Variants in OXNAD1 observed in about 807,000 individuals in gnomAD.
OXNAD1 encodes oxidoreductase NAD binding domain containing 1, also known as oxidoreductase NAD-binding domain-containing protein 1.
Under a neutral mutation model 32.9 loss-of-function variants are expected in OXNAD1, and 34 were observed. The ratio of observed to expected loss-of-function variants is 1.03; its 90% CI spans 0.79 to 1.38. OXNAD1 has a LOEUF of 1.38. OXNAD1 is among the 40% of genes most tolerant of loss of function. OXNAD1 has a pLI of 0.00. For missense variants in OXNAD1, 407 were observed against 379.4 expected (o/e 1.07, Z -0.60); for synonymous variants, 134 against 135.2 (o/e 0.99, Z 0.06).
downstream of OXNAD1, among the ~76,000 whole-genome samples, chr3:16,341,726 TTAAA>T (rs1188340254): frequency 6.6e-6 from 1 of 152,190 alleles, no homozygotes; most frequent in Non-Finnish European, 1.5e-5. The surrounding 1 kb of genome is among the most constrained non-coding windows in gnomAD (Gnocchi z 4.7). Context: ...GGAAAACTAA[TTAAA>T]TAAATTAAAA....
chr3:16,316,487 C>A lies in OXNAD1; in HGVS notation c.*30+12895C>A, dbSNP rs1017022675. 3.0e-6 allele frequency: 1 copy of A among 333,614 alleles called. No individual in the cohort carries two copies. Among genetic ancestry groups the A allele is most frequent in the East Asian group, 8.8e-5 (1 of 11,308 alleles). The allele number at this position is 333,614 out of a possible 1,614,324, so 20.7% of individuals were successfully genotyped here. ...GTCCATGGATTTGACCCGAATGCTC[C>A]CTGGAGGCCCTGTGGCGAGGACAGG... On this transcript the variant is annotated intron_variant, in intron 9 of 9. Coordinates refer to the OXNAD1 transcript ENST00000435829. The surrounding 1 kb of genome is among the most constrained non-coding windows in gnomAD (Gnocchi z 4.5).
At chr3:16,268,983 A>G in intron 1 of OXNAD1, 143 bp from the exon 2 acceptor site, 1 of 548,854 alleles carries the variant, frequency 1.8e-6, no homozygotes, top group Non-Finnish European at 2.8e-6. Flanking sequence ...GAAAGAATGG[A>G]TGGAGAGGGG....
Position 16,345,726 on chromosome 3 carries a change from T to G in OXNAD1, c.*31-3450T>G, listed in dbSNP as rs1320577137. Among the ~76,000 whole-genome samples the G allele has an allele frequency of 1.3e-5, 2 of 151,782 alleles. No homozygotes were observed. Among genetic ancestry groups the G allele is most frequent in the Admixed American group, 6.6e-5 (1 of 15,248 alleles). On this transcript the variant is annotated intron_variant, in intron 9 of 9. Transcript: ENST00000606098. The surrounding 1 kb of genome is among the most constrained non-coding windows in gnomAD (Gnocchi z 5.2). ...CTTTCCTGGGTCTCCAGCTTGCAGA[T>G]AGCAGACTGTGGGACTCCTCAGCCT...
Position 16,346,696 on chromosome 3 carries a change from G to A in OXNAD1, c.*31-2480G>A, listed in dbSNP as rs570841199. On this transcript the variant is annotated intron_variant, in intron 9 of 9. Coordinates refer to the OXNAD1 transcript ENST00000606098. This position sits in a 1 kb window ranked among gnomAD's most constrained non-coding sequence, Gnocchi z 4.4. The stretch of plus-strand genomic sequence containing the variant: ...GAGGAAATCTCTGTTGTGGGTTTCT[G>A]GGAAAGCTTTTACTTGCTAATAAAA... 6.6e-6 allele frequency among the ~76,000 whole-genome samples: 1 copy of A among 152,258 alleles called. No homozygotes were observed. Among genetic ancestry groups the A allele is most frequent in the African/African-American group, 2.4e-5 (1 of 41,514 alleles).
At chr3:16,351,147 G>A (rs777157143), downstream of OXNAD1, among the ~76,000 whole-genome samples, 5 of 152,164 alleles carry the variant, frequency 3.3e-5, no homozygotes, top group Non-Finnish European at 7.3e-5. This position sits in a 1 kb window ranked among gnomAD's most constrained non-coding sequence, Gnocchi z 5.4. Context: ...AGCCTTTCAT[G>A]TAAATACAAT....
rs771798524 is a variant in OXNAD1 at position 16,303,531 on chromosome 3, A to G, written c.908A>G (p.Lys303Arg). 1 of 1,613,978 alleles carries G rather than the reference A, an allele frequency of 6.2e-7. No individual in the cohort carries two copies. Among genetic ancestry groups the G allele is most frequent in the Non-Finnish European group, 8.5e-7 (1 of 1,179,910 alleles). ...CAACTGGAAAACAACCATGTACCCAAAGAACACATTTGCTTTGAGAAGTGG... is the reference window on the plus strand; with the variant it reads ...CAACTGGAAAACAACCATGTACCCAGAGAACACATTTGCTTTGAGAAGTGG... Reference protein sequence around the residue: ...SKQLENNHVPKEHICFEKWW With the variant: ...SKQLENNHVPREHICFEKWW Residue 303 changes from lysine (K) to arginine (R), a missense_variant, in exon 9 of 9, where the codon AAA becomes AGA. Physicochemically the swap from Lys to Arg is conservative, Grantham distance 26 (BLOSUM62 2). Transcript: ENST00000285083. The surrounding 1 kb of genome is among the most constrained non-coding windows in gnomAD (Gnocchi z 4.8).
At chr3:16,311,031 CCA>C (rs1295967311), downstream of OXNAD1, among the ~76,000 whole-genome samples, 79 of 148,966 alleles carry the variant, frequency 5.3e-4, no homozygotes, top group African/African-American at 1.9e-3. Flanking sequence ...GGGAGAATTC[CCA>C]CTCTGCCCGT....
At chr3:16,279,669 A>G (rs747979048) in intron 4 of OXNAD1, among the ~76,000 whole-genome samples, 24 of 151,926 alleles carry the variant, frequency 1.6e-4, no homozygotes, top group Non-Finnish European at 3.1e-4. Context: ...AGATCAGCAG[A>G]GTGTTCTTGG....
At chr3:16,323,298 C>G (rs1304666786) in intron 9 of OXNAD1, 3 of 1,074,228 alleles carry the variant, frequency 2.8e-6, no homozygotes, top group African/African-American at 3.2e-5. Context: ...GCAGGCTGCC[C>G]CCTCAAATGC....
At chr3:16,311,642 C>A (rs908117587) in intron 9 of OXNAD1, among the ~76,000 whole-genome samples, 7 of 152,100 alleles carry the variant, frequency 4.6e-5, no homozygotes, top group African/African-American at 1.7e-4. Context: ...TTGCAAAATC[C>A]AGTCACTTTT....
chr3:16,313,041 C>T (rs983765734), intron 9 of OXNAD1, among the ~76,000 whole-genome samples: 1 of 146,162 alleles, frequency 6.8e-6, no homozygotes, highest in African/African-American at 2.7e-5. Flanking sequence ...ACGCCCATGT[C>T]AAGATCCATC....
chr3:16,319,014 C>G (rs1340651089), intron 9 of OXNAD1, among the ~76,000 whole-genome samples: 1 of 152,200 alleles, frequency 6.6e-6, no homozygotes, highest in Non-Finnish European at 1.5e-5. Flanking sequence ...TCAGCATGAC[C>G]GTGGCTGCCT....
At position 16,327,891 on chromosome 3, in the gene OXNAD1, C is replaced by T. The variant is rs1390257855; in HGVS notation, c.*31-9221C>T. On this transcript the variant is annotated intron_variant, in intron 9 of 9. Coordinates refer to the OXNAD1 transcript ENST00000435829. This position sits in a 1 kb window ranked among gnomAD's most constrained non-coding sequence, Gnocchi z 4.2. The stretch of plus-strand genomic sequence containing the variant: ...CTGCAACAGGCCTCATTTCTTACTA[C>T]GGGTTCCTCACTAACACTCAAAGTG... Among the ~76,000 whole-genome samples, 5 of 152,208 alleles carry T rather than the reference C, an allele frequency of 3.3e-5. No individual in the cohort carries two copies. Among genetic ancestry groups the T allele is most frequent in the African/African-American group, 7.2e-5 (3 of 41,466 alleles).
chr3:16,290,270 G>A lies in OXNAD1; in HGVS notation c.290+3822G>A, dbSNP rs1222823593. On this transcript the variant is annotated intron_variant, in intron 5 of 8. Coordinates refer to ENST00000285083, the MANE Select transcript of OXNAD1 (RefSeq NM_138381.5). This position sits in a 1 kb window ranked among gnomAD's most constrained non-coding sequence, Gnocchi z 4.2. Reference sequence around the variant, plus strand: ...TCCTGCAAAGGACATTTTTAAAGGTGTGTGTTTAAGGTATAATTCTTTCTT... The same window carrying A: ...TCCTGCAAAGGACATTTTTAAAGGTATGTGTTTAAGGTATAATTCTTTCTT... Among the ~76,000 whole-genome samples, 1 of 152,226 alleles carries A rather than the reference G, an allele frequency of 6.6e-6. No individual in the cohort carries two copies. Among genetic ancestry groups the A allele is most frequent in the Admixed American group, 6.5e-5 (1 of 15,276 alleles).
intron 4 of OXNAD1, among the ~76,000 whole-genome samples, chr3:16,279,038 T>G (rs79967388): frequency 2.3e-3 from 351 of 152,362 alleles, no homozygotes; most frequent in Non-Finnish European, 4.2e-3. Flanking sequence ...CTTTTCAACA[T>G]GCACTGTTTC....
At chr3:16,341,733 A>C (rs185690252), downstream of OXNAD1, among the ~76,000 whole-genome samples, 240 of 152,356 alleles carry the variant, frequency 1.6e-3, 3 homozygotes, top group South Asian at 0.013. The surrounding 1 kb of genome is among the most constrained non-coding windows in gnomAD (Gnocchi z 4.7). Context: ...TAATTAAATA[A>C]ATTAAAATTT....
intron 4 of OXNAD1, among the ~76,000 whole-genome samples, chr3:16,281,598 A>G (rs1174814566): frequency 2.0e-5 from 3 of 152,256 alleles, no homozygotes; most frequent in Non-Finnish European, 2.9e-5. Context: ...ATAATTGGTC[A>G]TAGACAGCAT....
At chr3:16,294,488 C>T (rs150695897) in intron 5 of OXNAD1, among the ~76,000 whole-genome samples, 22 of 152,306 alleles carry the variant, frequency 1.4e-4, no homozygotes, top group African/African-American at 1.9e-4. Flanking sequence ...GGATTACAGG[C>T]GTGAGCCACT....
Position 16,345,768 on chromosome 3 carries a change from C to G in OXNAD1, c.*31-3408C>G, listed in dbSNP as rs540751438. ...CCTCAGCCTCCATAATCACATGAGC[C>G]AAAACCTTATAATAAATCTCTGTGT... is the stretch of plus-strand genomic sequence containing the variant. On this transcript the variant is annotated intron_variant, in intron 9 of 9. Transcript: ENST00000606098. The surrounding 1 kb of genome is among the most constrained non-coding windows in gnomAD (Gnocchi z 5.2). Among the ~76,000 whole-genome samples, 4 of 147,970 alleles carry G rather than the reference C, an allele frequency of 2.7e-5. No individual in the cohort carries two copies. Among genetic ancestry groups the G allele is most frequent in the African/African-American group, 1.0e-4 (4 of 40,064 alleles).
Sources: gnomAD v4.1 joint callset for allele counts (sites outside exome capture counted in the v4.1 genomes callset) on GRCh38, gnomAD v4.1.1 for gene constraint, Gnocchi (gnomAD v3.1) non-coding constraint, MANE v1.5 for transcripts, NCBI Gene and HGNC (gene_info 2026-07-23, HGNC 2026-07-21) for gene names.